The following NSUN3 variants were observed in gnomAD, a reference collection of about 807,000 sequenced individuals.
NSUN3 encodes the protein tRNA (cytosine(34)-C(5))-methyltransferase, mitochondrial.
NSUN3 carries 24 observed loss-of-function variants against 36.8 expected under a neutral mutation model. That is an observed-to-expected ratio of 0.65 (90% CI 0.47 to 0.92). The LOEUF is 0.92. Among genes scored for constraint, NSUN3 ranks in the 40% least tolerant of loss-of-function variants. The probability of loss-of-function intolerance (pLI) is 0.00; values close to 1 mark genes in which losing one functional copy is unlikely to be tolerated. For synonymous variants in NSUN3, 146 were observed against 145.2 expected (o/e 1.01, Z -0.04); for missense variants, 381 against 392.8 (o/e 0.97, Z 0.25).
chr3:94,086,465 A>G (rs1288804781), intron 3 of NSUN3, among the ~76,000 whole-genome samples: 1 of 152,212 alleles, frequency 6.6e-6, no homozygotes, highest in Non-Finnish European at 1.5e-5. Context: ...GAAACTGTCC[A>G]AGCCTTCCTG....
intron 3 of NSUN3, among the ~76,000 whole-genome samples, chr3:94,088,902 C>T (rs528282460): frequency 7.6e-4 from 115 of 152,092 alleles, no homozygotes; most frequent in African/African-American, 2.7e-3. Context: ...CTCCTGACCT[C>T]AGGCGATCCA....
At chr3:94,093,494 A>G (rs537572747) in intron 3 of NSUN3, among the ~76,000 whole-genome samples, 1 of 152,322 alleles carries the variant, frequency 6.6e-6, no homozygotes, top group South Asian at 2.1e-4. Context: ...CTTATGATAA[A>G]GATGACCCTG....
chr3:94,075,354 G>T (rs904291755), intron 2 of NSUN3, among the ~76,000 whole-genome samples: 1 of 152,160 alleles, frequency 6.6e-6, no homozygotes, highest in African/African-American at 2.4e-5. Context: ...TATGGGGAAA[G>T]AGGAACATGT....
intron 2 of NSUN3, among the ~76,000 whole-genome samples, chr3:94,068,983 A>G (rs2077215461): frequency 6.6e-6 from 1 of 152,182 alleles, no homozygotes; most frequent in Non-Finnish European, 1.5e-5. Flanking sequence ...ACTTTTAGAC[A>G]CTTTAAAGTC....
chr3:94,105,810 A>T (rs2077386452), intron 5 of NSUN3, among the ~76,000 whole-genome samples: 1 of 152,104 alleles, frequency 6.6e-6, no homozygotes, highest in African/African-American at 2.4e-5. Context: ...AACTATAAGC[A>T]ATCTCCATTC....
At chr3:94,122,158 A>C (rs1043870567) in intron 5 of NSUN3, among the ~76,000 whole-genome samples, 1 of 151,966 alleles carries the variant, frequency 6.6e-6, no homozygotes, top group Non-Finnish European at 1.5e-5. Flanking sequence ...ACCTAAAAAA[A>C]AAAAAAAAAA....
chr3:94,084,161 C>G lies in NSUN3; in HGVS notation c.177C>G (p.Phe59Leu). 1 of 1,614,134 alleles carries G rather than the reference C, an allele frequency of 6.2e-7. No individual in the cohort carries two copies. The highest frequency in any genetic ancestry group is 2.2e-5 in the East Asian group (1 of 44,886). ...AATATGCTGTCCTGCTTAACCGATT[C>G]AATTATCCTTTTGAACTGGAAAAGG... ...CWQYAVLLNRFNYPFELEKDL... is the reference protein window; with the variant it reads ...CWQYAVLLNRLNYPFELEKDL... The change falls in exon 3 of 6, where the codon TTC becomes TTG. Residue 59 changes from phenylalanine to leucine, a missense_variant. Coordinates refer to ENST00000314622, the MANE Select transcript of NSUN3 (RefSeq NM_022072.5).
intron 5 of NSUN3, among the ~76,000 whole-genome samples, chr3:94,107,863 T>C (rs901323633): frequency 1.3e-5 from 2 of 152,092 alleles, no homozygotes; most frequent in African/African-American, 2.4e-5. Flanking sequence ...CTGCCCTCAT[T>C]AACAGGCTAT....
chr3:94,127,699 C>G lies in NSUN3; in HGVS notation c.*1209C>G, dbSNP rs563901188. ...GAAAATAGCCTTTAAAAAAAAACAA[C>G]TTTATCTGATTATAGAAATACAAAA... On this transcript the variant is annotated 3_prime_UTR_variant, in exon 6 of 6. Coordinates refer to ENST00000314622, the MANE Select transcript of NSUN3 (RefSeq NM_022072.5). The G allele has an allele frequency of 6.6e-6, 1 of 152,106 alleles. No individual in the cohort carries two copies. Among genetic ancestry groups the G allele is most frequent in the African/African-American group, 2.4e-5 (1 of 41,512 alleles). 9.4% of individuals were successfully genotyped at this position (152,106 alleles called of 1,614,324 possible). A position where few individuals can be genotyped will look rare whatever the true frequency, so the allele number is the denominator to read the frequency against.
In NSUN3 at chr3:94,064,631, T is replaced by TA. The variant is rs1294796674; in HGVS notation, c.122+89dup. The TA allele has an allele frequency of 4.9e-5, 40 of 823,162 alleles. No homozygotes were observed. The East Asian group carries it at 1.1e-3, about 22-fold the overall frequency. 51.0% of individuals were successfully genotyped at this position (823,162 alleles called of 1,614,324 possible). A position where few individuals can be genotyped will look rare whatever the true frequency, so the allele number is the denominator to read the frequency against. ...TTTTGTGGGAGGGATGCTGTGAGGT[T>TA]AAAAGGCAAAGGAATCTAAATCTGG... is the stretch of plus-strand genomic sequence containing the variant. On this transcript the variant is annotated intron_variant, in intron 2 of 5. Coordinates refer to ENST00000314622, the MANE Select transcript of NSUN3 (RefSeq NM_022072.5).
At chr3:94,090,233 C>T (rs2077308883) in intron 3 of NSUN3, among the ~76,000 whole-genome samples, 1 of 151,896 alleles carries the variant, frequency 6.6e-6, no homozygotes, top group African/African-American at 2.4e-5. Flanking sequence ...TTGTTTTTGA[C>T]AATTTAAGCA....
chr3:94,110,588 C>A (rs1282498236), intron 5 of NSUN3, among the ~76,000 whole-genome samples: 1 of 151,954 alleles, frequency 6.6e-6, no homozygotes, highest in African/African-American at 2.4e-5. Flanking sequence ...TTCTAGTTAT[C>A]CTAGAGTTAT....
chr3:94,123,751 G>C (rs2077473745), intron 5 of NSUN3, among the ~76,000 whole-genome samples: 1 of 151,960 alleles, frequency 6.6e-6, no homozygotes, highest in South Asian at 2.1e-4. Flanking sequence ...CTATTCCTTT[G>C]GTATGGAATG....
chr3:94,075,788 G>C lies in NSUN3; in HGVS notation c.123-8319G>C, dbSNP rs551022656. The C allele has an allele frequency of 3.8e-6, 3 of 793,228 alleles. No homozygotes were observed. In the Admixed American group the frequency reaches 9.1e-5, roughly 24 times the overall value. The allele number at this position is 793,228 out of a possible 1,614,324, so 49.1% of individuals were successfully genotyped here. A position where few individuals can be genotyped will look rare whatever the true frequency, so the allele number is the denominator to read the frequency against. ...ACTGTTTGGGCTAATAGCATTATTG[G>C]TGGTACCTATTATATAGAGGGATAC... On this transcript the variant is annotated intron_variant, in intron 2 of 5. Coordinates refer to ENST00000314622, the MANE Select transcript of NSUN3 (RefSeq NM_022072.5).
chr3:94,086,637 T>C (rs2077293920), intron 3 of NSUN3, among the ~76,000 whole-genome samples: 1 of 152,250 alleles, frequency 6.6e-6, no homozygotes, highest in East Asian at 1.9e-4. Context: ...ATATATCAGT[T>C]AACTGTATAT....
chr3:94,125,835 C>T (rs776805991), intron 5 of NSUN3, among the ~76,000 whole-genome samples: 8 of 152,030 alleles, frequency 5.3e-5, no homozygotes, highest in South Asian at 2.1e-4. Flanking sequence ...CTAAAGCAGG[C>T]GATCACTTGA....
chr3:94,121,409 C>T (rs778612023), intron 5 of NSUN3, among the ~76,000 whole-genome samples: 1 of 152,180 alleles, frequency 6.6e-6, no homozygotes, highest in Non-Finnish European at 1.5e-5. Context: ...AGGATAATCT[C>T]CCCATTGCAG....
chr3:94,129,304 G>A lies in NSUN3; in HGVS notation c.*2814G>A, dbSNP rs553481237. 5.0e-3 allele frequency among the ~76,000 whole-genome samples: 763 copies of A among 152,250 alleles called. 10 individuals carry two copies. Among genetic ancestry groups the A allele is most frequent in the African/African-American group, 0.017 (725 of 41,540 alleles). On this transcript the variant is annotated 3_prime_UTR_variant, in exon 6 of 6. Transcript: ENST00000314622. The stretch of plus-strand genomic sequence containing the variant: ...AAAGGAAATGTGGTACATATACCTC[G>A]TGTAATATTACACAGTGATAAAAAA...
chr3:94,076,184 G>A (rs1207629048), intron 2 of NSUN3: 25 of 988,618 alleles, frequency 2.5e-5, no homozygotes, highest in Non-Finnish European at 2.0e-5. Flanking sequence ...ACCACTGGAA[G>A]CCAAAATAGT....
Sources: gnomAD v4.1 joint callset for allele counts (sites outside exome capture counted in the v4.1 genomes callset) on GRCh38, gnomAD v4.1.1 for gene constraint, MANE v1.5 for transcripts, NCBI Gene and HGNC (gene_info 2026-07-23, HGNC 2026-07-21) for gene names.